Variants in TBC1D1 observed in about 807,000 individuals in gnomAD.
TBC1D1 encodes TBC1 domain family member 1.
Under a neutral mutation model 125.6 loss-of-function variants are expected in TBC1D1, and 89 were observed. The observed-to-expected ratio is 0.71, with a 90% CI of 0.60 to 0.85. TBC1D1 has a LOEUF of 0.85. TBC1D1 is among the 40% of genes least tolerant of loss of function. The pLI, the probability that TBC1D1 is intolerant of heterozygous loss-of-function variation, is 0.00. For missense variants in TBC1D1, 1,377 were observed against 1,469.2 expected, an observed-to-expected ratio of 0.94 and a Z score of 1.03; for synonymous variants, 565 against 564.1, an observed-to-expected ratio of 1.00 and a Z score of -0.02.
chr4:37,926,815 G>A (rs897645883), intron 2 of TBC1D1, among the ~76,000 whole-genome samples: 5 of 152,166 alleles, frequency 3.3e-5, no homozygotes, highest in Non-Finnish European at 7.4e-5. Flanking sequence ...GTCTACAGGT[G>A]CTTGAAATAT....
At chr4:38,106,749 C>G (rs960013505) in intron 15 of TBC1D1, among the ~76,000 whole-genome samples, 4 of 152,144 alleles carry the variant, frequency 2.6e-5, no homozygotes, top group African/African-American at 9.7e-5. Context: ...GCTCAGATGT[C>G]ATCACTTTTC....
intron 15 of TBC1D1, among the ~76,000 whole-genome samples, chr4:38,107,244 C>T (rs1359629600): frequency 6.6e-6 from 1 of 152,172 alleles, no homozygotes; most frequent in Non-Finnish European, 1.5e-5. Context: ...CCCTGCCTGC[C>T]CGGCTGACTC....
chr4:37,895,956 G>C (rs1714473247), intron 1 of TBC1D1, among the ~76,000 whole-genome samples: 1 of 152,182 alleles, frequency 6.6e-6, no homozygotes, highest in Non-Finnish European at 1.5e-5. Context: ...TGGATGAAGA[G>C]TGTAGCCAAG....
At chr4:37,894,717 T>A (rs1339243745) in intron 1 of TBC1D1, among the ~76,000 whole-genome samples, 1 of 152,222 alleles carries the variant, frequency 6.6e-6, no homozygotes, top group Non-Finnish European at 1.5e-5. Flanking sequence ...TTATGTTTAT[T>A]TATTTTATAC....
intron 1 of TBC1D1, 113 bp from the exon 2 acceptor site, chr4:37,901,890 C>A: frequency 2.0e-6 from 1 of 499,228 alleles, no homozygotes; most frequent in Non-Finnish European, 3.5e-6. Flanking sequence ...TTATTTGAAC[C>A]TCTTATTATA....
intron 17 of TBC1D1, among the ~76,000 whole-genome samples, chr4:38,118,794 G>T (rs945060962): frequency 6.6e-6 from 1 of 152,182 alleles, no homozygotes; most frequent in Non-Finnish European, 1.5e-5. Context: ...TGCCACTCCC[G>T]TGCCCCCGCT....
chr4:38,020,213 G>A (rs1036396091), intron 4 of TBC1D1, among the ~76,000 whole-genome samples: 1 of 152,126 alleles, frequency 6.6e-6, no homozygotes, highest in Non-Finnish European at 1.5e-5. Flanking sequence ...TAGGCCAGGC[G>A]CAGTGGTTCA....
intron 2 of TBC1D1, chr4:37,960,744 G>T (rs991676584): frequency 2.5e-6 from 4 of 1,614,032 alleles, no homozygotes; most frequent in Admixed American, 1.7e-5. Flanking sequence ...AAAAAGTTCT[G>T]TTCCTGCCTC....
At chr4:37,912,317 G>A (rs1380661943) in intron 2 of TBC1D1, among the ~76,000 whole-genome samples, 2 of 152,312 alleles carry the variant, frequency 1.3e-5, no homozygotes, top group African/African-American at 4.8e-5. Flanking sequence ...CAGGCCAATG[G>A]GTTGGGTGAG....
In TBC1D1 at chr4:38,033,575, T is replaced by C. The variant is rs184220758; in HGVS notation, c.1303-2013T>C. Among the ~76,000 whole-genome samples the C allele has an allele frequency of 2.3e-3, 348 of 152,342 alleles. 1 individual carries two copies. The highest frequency in any genetic ancestry group is 7.8e-3 in the African/African-American group (326 of 41,576). On this transcript the variant is annotated intron_variant, in intron 7 of 19. Transcript: ENST00000261439. ...GTACATTGATATTAACTAAAGTTCA[T>C]GGTTTACATTTGGGTTCACTGTTGG... is the stretch of plus-strand genomic sequence containing the variant.
At chr4:38,046,029 A>G (rs185049287) in intron 10 of TBC1D1, 126 bp downstream of exon 10, 136 of 789,984 alleles carry the variant, frequency 1.7e-4, no homozygotes, top group African/African-American at 1.5e-3. Context: ...CAGGTGGAGG[A>G]CTGGTCATGC....
At chr4:38,069,095 C>T (rs1397094226) in intron 12 of TBC1D1, among the ~76,000 whole-genome samples, 1 of 152,182 alleles carries the variant, frequency 6.6e-6, no homozygotes, top group Non-Finnish European at 1.5e-5. Context: ...GTCATGTATC[C>T]AGGTTCCTTG....
intron 12 of TBC1D1, among the ~76,000 whole-genome samples, chr4:38,064,932 CT>C (rs548082372): frequency 4.1e-4 from 57 of 139,824 alleles, no homozygotes; most frequent in East Asian, 6.2e-4. Flanking sequence ...GCCTACATTT[CT>C]TTTTTTTTTT....
intron 12 of TBC1D1, among the ~76,000 whole-genome samples, chr4:38,081,854 C>T (rs1476366945): frequency 3.9e-5 from 6 of 152,092 alleles, no homozygotes; most frequent in Non-Finnish European, 8.8e-5. Flanking sequence ...GTTGCCTGCT[C>T]CTTTTCCTCT....
chr4:38,058,472 C>T (rs943994228), intron 12 of TBC1D1, among the ~76,000 whole-genome samples: 3 of 152,232 alleles, frequency 2.0e-5, no homozygotes, highest in Non-Finnish European at 4.4e-5. Context: ...CCATGGGCAG[C>T]TGAGCCTGCA....
At chr4:38,054,709 C>A (rs762439626) in intron 12 of TBC1D1, among the ~76,000 whole-genome samples, 1 of 152,170 alleles carries the variant, frequency 6.6e-6, no homozygotes, top group Non-Finnish European at 1.5e-5. Flanking sequence ...TTAAAAACTT[C>A]AGAGCAGGAA....
chr4:38,083,538 T>C (rs957953011), intron 12 of TBC1D1, among the ~76,000 whole-genome samples: 2 of 152,274 alleles, frequency 1.3e-5, no homozygotes, highest in African/African-American at 4.8e-5. Flanking sequence ...GTTGACATTT[T>C]ATTAAATGTT....
chr4:38,009,462 T>G (rs1741022846), intron 2 of TBC1D1, among the ~76,000 whole-genome samples: 2 of 152,234 alleles, frequency 1.3e-5, no homozygotes, highest in South Asian at 4.1e-4. Context: ...CTTTTTATTC[T>G]AAATATTGTT....
chr4:38,094,630 T>G (rs910900849), intron 13 of TBC1D1, among the ~76,000 whole-genome samples: 1 of 152,226 alleles, frequency 6.6e-6, no homozygotes, highest in African/African-American at 2.4e-5. Context: ...CTGAATCTTC[T>G]GGCCAGTTCT....
Sources: gnomAD v4.1 joint callset for allele counts (sites outside exome capture counted in the v4.1 genomes callset) on GRCh38, gnomAD v4.1.1 for gene constraint, MANE v1.5 for transcripts, NCBI Gene and HGNC (gene_info 2026-07-23, HGNC 2026-07-21) for gene names.